Variants in GRID2 observed in about 807,000 individuals in gnomAD.
GRID2 encodes glutamate receptor ionotropic, delta-2.
A neutral mutation model predicts 114.8 loss-of-function variants in GRID2; 33 were observed. That is an observed-to-expected ratio of 0.29 (90% CI 0.22 to 0.38). The LOEUF is 0.38. Ranked by LOEUF, GRID2 falls within the 10% of genes least tolerant of loss-of-function variation. GRID2 has a pLI of 1.00. For missense variants in GRID2, 1,184 were observed against 1,257.7 expected, an observed-to-expected ratio of 0.94 and a Z score of 0.89; for synonymous variants, 505 against 449.9, an observed-to-expected ratio of 1.12 and a Z score of -1.55.
chr4:92,690,213 GAAAA>G (rs375890219), intron 2 of GRID2, among the ~76,000 whole-genome samples: 1 of 149,914 alleles, frequency 6.7e-6, no homozygotes, highest in Non-Finnish European at 1.5e-5. Flanking sequence ...AAAAAAAAAA[GAAAA>G]AAAGTATATG....
chr4:92,927,640 A>G (rs1053126635), intron 2 of GRID2, among the ~76,000 whole-genome samples: 4 of 151,808 alleles, frequency 2.6e-5, no homozygotes. Context: ...CTATATCTTC[A>G]GTGTTTTTTG....
intron 2 of GRID2, among the ~76,000 whole-genome samples, chr4:92,675,551 A>ATTTTTTTTTTTTTTTT (rs576488084): frequency 7.5e-6 from 1 of 133,012 alleles, no homozygotes; most frequent in Non-Finnish European, 1.6e-5. Flanking sequence ...TTGGGCTACA[A>ATTTTTTTTTTTTTTTT]TTTTTTTTTT....
intron 1 of GRID2, among the ~76,000 whole-genome samples, chr4:92,351,012 C>CT (rs1728042015): frequency 6.6e-6 from 1 of 151,756 alleles, no homozygotes; most frequent in Non-Finnish European, 1.5e-5. Context: ...GTACTTCATA[C>CT]TTTTTTATGG....
intron 4 of GRID2, among the ~76,000 whole-genome samples, chr4:93,170,432 T>A (rs1335379973): frequency 6.6e-6 from 1 of 152,162 alleles, no homozygotes; most frequent in Admixed American, 6.5e-5. Context: ...TGCAGCAATG[T>A]CAGTCATATC....
At chr4:92,907,118 T>G (rs566784254) in intron 2 of GRID2, among the ~76,000 whole-genome samples, 1 of 152,330 alleles carries the variant, frequency 6.6e-6, no homozygotes, top group East Asian at 1.9e-4. Flanking sequence ...GAGCCAAACT[T>G]CATGATCATC....
intron 2 of GRID2, among the ~76,000 whole-genome samples, chr4:92,750,645 TA>T (rs1737405963): frequency 1.3e-5 from 2 of 152,174 alleles, no homozygotes; most frequent in African/African-American, 4.8e-5. Flanking sequence ...CCAGCCTGTA[TA>T]ATACATTTTG....
chr4:92,826,995 G>A (rs1340356861), intron 2 of GRID2, among the ~76,000 whole-genome samples: 1 of 151,858 alleles, frequency 6.6e-6, no homozygotes, highest in Non-Finnish European at 1.5e-5. Flanking sequence ...GAGTTTTTAT[G>A]TTTCATCAAA....
chr4:93,239,102 G>A (rs982279100), intron 8 of GRID2, among the ~76,000 whole-genome samples: 5 of 146,770 alleles, frequency 3.4e-5, no homozygotes, highest in South Asian at 2.1e-4. Context: ...TCTATAATTC[G>A]GATTTGCTAT....
chr4:92,467,173 A>G (rs1721801320), intron 1 of GRID2, among the ~76,000 whole-genome samples: 1 of 151,854 alleles, frequency 6.6e-6, no homozygotes, highest in Non-Finnish European at 1.5e-5. Context: ...GAAGTTTTCA[A>G]TTTTTCAAAT....
chr4:92,418,637 C>A (rs77443675), intron 1 of GRID2, among the ~76,000 whole-genome samples: 1 of 151,858 alleles, frequency 6.6e-6, no homozygotes, highest in Non-Finnish European at 1.5e-5. Flanking sequence ...AAGATAGAGG[C>A]GGGAAAGATG....
At chr4:93,197,050 A>T (rs2149454587) in intron 4 of GRID2, among the ~76,000 whole-genome samples, 1 of 152,298 alleles carries the variant, frequency 6.6e-6, no homozygotes, top group South Asian at 2.1e-4. Flanking sequence ...TAAGGCAAAT[A>T]GTCATGGAAT....
intron 14 of GRID2, among the ~76,000 whole-genome samples, chr4:93,719,059 A>G (rs1729140920): frequency 6.6e-6 from 1 of 151,812 alleles, no homozygotes; most frequent in African/African-American, 2.4e-5. Flanking sequence ...ACGAAATATA[A>G]ATGTTATATA....
intron 1 of GRID2, among the ~76,000 whole-genome samples, chr4:92,538,729 C>T (rs2149160146): frequency 1.3e-5 from 2 of 152,168 alleles, no homozygotes; most frequent in Middle Eastern, 6.8e-3. Context: ...AAGGAAGAGT[C>T]ACAAAATAAT....
chr4:93,658,242 A>T (rs115304015), intron 14 of GRID2, among the ~76,000 whole-genome samples: 1,700 of 152,304 alleles, frequency 0.011, 40 homozygotes, highest in African/African-American at 0.039. Flanking sequence ...TTGAAATAGG[A>T]TGACAGTACA....
chr4:92,946,565 CTTTG>C (rs1751647085), intron 2 of GRID2, among the ~76,000 whole-genome samples: 1 of 151,964 alleles, frequency 6.6e-6, no homozygotes, highest in Non-Finnish European at 1.5e-5. Flanking sequence ...AATTCCAAGG[CTTTG>C]TTTGTACTAC....
In GRID2 at chr4:93,745,723, A is replaced by C. The variant is rs1018988647; in HGVS notation, c.2361-23487A>C. On this transcript the variant is annotated intron_variant, in intron 14 of 15. Coordinates refer to ENST00000282020, the MANE Select transcript of GRID2 (RefSeq NM_001510.4). ...ATATGGAGCCAAGTTTAACTATCCA[A>C]TTAAATGTACTGTTTACAAATGAAA... Among the ~76,000 whole-genome samples, 4 of 152,336 alleles carry C rather than the reference A, an allele frequency of 2.6e-5. No individual in the cohort carries two copies. In the South Asian group the frequency reaches 8.3e-4, roughly 32 times the overall value.
At chr4:92,432,649 C>T (rs1183471486) in intron 1 of GRID2, among the ~76,000 whole-genome samples, 2 of 152,128 alleles carry the variant, frequency 1.3e-5, no homozygotes, top group Admixed American at 1.3e-4. Context: ...AAGTGGGCTC[C>T]CCTGTGGCAC....
At chr4:93,236,238 A>G (rs1323540480) in intron 7 of GRID2, among the ~76,000 whole-genome samples, 1 of 152,026 alleles carries the variant, frequency 6.6e-6, no homozygotes, top group South Asian at 2.1e-4. Flanking sequence ...ATTAACAGTG[A>G]GCACATACCG....
In GRID2 at chr4:92,502,778, G is replaced by T. The variant is rs566308032; in HGVS notation, c.89-87353G>T. 9.0e-4 allele frequency among the ~76,000 whole-genome samples: 123 copies of T among 136,380 alleles called. 1 individual carries two copies. Among genetic ancestry groups the T allele is most frequent in the African/African-American group, 3.2e-3 (115 of 35,764 alleles). The allele number at this position is 136,380 out of a possible 152,430, so 89.5% of individuals were successfully genotyped here. ...TGTCACCCAGGCTAGAGTGCAGTGC[G>T]GCAATCTCAGCTCACTGCAACCTCC... On this transcript the variant is annotated intron_variant, in intron 1 of 15. Coordinates refer to ENST00000282020, the MANE Select transcript of GRID2 (RefSeq NM_001510.4).
Sources: allele counts gnomAD v4.1 joint callset (sites outside exome capture counted in the v4.1 genomes callset), GRCh38; gene constraint gnomAD v4.1.1; transcripts MANE v1.5; gene names NCBI Gene and HGNC (gene_info 2026-07-23, HGNC 2026-07-21).